Variants in GRPR observed in about 807,000 individuals in gnomAD.
The protein encoded by GRPR is gastrin-releasing peptide receptor.
Under a neutral mutation model 15.6 loss-of-function variants are expected in GRPR, and 4 were observed. The observed-to-expected ratio is 0.26, with a 90% CI of 0.13 to 0.59. The LOEUF is 0.59. Ranked by LOEUF, GRPR falls within the 20% of genes least tolerant of loss-of-function variation. The probability of loss-of-function intolerance (pLI) is 0.90; values close to 1 mark genes in which losing one functional copy is unlikely to be tolerated. For synonymous variants in GRPR, 128 were observed against 126.8 expected (o/e 1.01, Z -0.06); for missense variants, 270 against 304.1 (o/e 0.89, Z 0.83).
At chrX:16,150,195 A>G (rs1206864461) in intron 1 of GRPR, 110 bp from the exon 2 acceptor site, 6 of 570,697 alleles carry the variant, frequency 1.1e-5, no homozygotes, top group South Asian at 7.4e-5. Context: ...GAAAGTGAGC[A>G]CCTCCTTAAA....
At chrX:16,149,448 C>T (rs1362670960) in intron 1 of GRPR, among the ~76,000 whole-genome samples, 3 of 110,795 alleles carry the variant, frequency 2.7e-5, no homozygotes, top group Non-Finnish European at 5.7e-5. Flanking sequence ...AACCTAAATA[C>T]TTCAAGAGAA....
intron 1 of GRPR, among the ~76,000 whole-genome samples, chrX:16,127,622 G>A (rs1262466101): frequency 1.8e-5 from 2 of 111,427 alleles, no homozygotes; most frequent in Non-Finnish European, 1.9e-5. Flanking sequence ...TGTGGCATTT[G>A]GGCTTGGAAT....
At chrX:16,144,233 G>A (rs1922571761) in intron 1 of GRPR, among the ~76,000 whole-genome samples, 1 of 112,114 alleles carries the variant, frequency 8.9e-6, no homozygotes, top group Non-Finnish European at 1.9e-5. Context: ...CATCATATAA[G>A]CCAGCTAATA....
chrX:16,124,030 C>A lies in GRPR; in HGVS notation c.77C>A (p.Ala26Glu). 8.3e-7 allele frequency: 1 copy of A among 1,199,581 alleles called. No homozygotes were observed. Among genetic ancestry groups the A allele is most frequent in the Non-Finnish European group, 1.1e-6 (1 of 884,671 alleles). The change falls in exon 1 of 3, where the codon GCG (alanine) becomes GAG (glutamate). Residue 26 changes from alanine to glutamate, a missense_variant. By Grantham distance (107) the Ala-to-Glu change is moderately radical (BLOSUM62 -1). Coordinates refer to ENST00000380289, the MANE Select transcript of GRPR (RefSeq NM_005314.3). Reference protein sequence around the residue: ...FMHCNISSHSADLPVNDDWSH... With the variant: ...FMHCNISSHSEDLPVNDDWSH... ...CACTGCAACATCTCCAGTCACAGTG[C>A]GGATCTCCCCGTGAACGATGACTGG...
At position 16,123,687 on chromosome X, in the gene GRPR, C is replaced by G. The variant is rs1229452371; in HGVS notation, c.-267C>G. On this transcript the variant is annotated 5_prime_UTR_variant, in exon 1 of 3. Coordinates refer to ENST00000380289, the MANE Select transcript of GRPR (RefSeq NM_005314.3). ...GATGCAGAGTGGGTTTAATTCTAAG[C>G]CTTTTTGTGGCTAAGTTTTGTTGTT... 1 of 359,982 alleles carries G rather than the reference C, an allele frequency of 2.8e-6. No homozygotes were observed. The highest frequency in any genetic ancestry group is 4.8e-6 in the Non-Finnish European group (1 of 206,514). 29.7% of individuals were successfully genotyped at this position (359,982 alleles called of 1,213,427 possible). A position where few individuals can be genotyped will look rare whatever the true frequency, so the allele number is the denominator to read the frequency against.
rs1213568794 is a variant in GRPR, at chrX:16,150,163, A to C, written c.414-142A>C. ...ACTCACTCTCAGGGTCACAGAGCTC[A>C]GAGTCGGCACCCTCAGGACCCGAAA... On this transcript the variant is annotated intron_variant, in intron 1 of 2. Transcript: ENST00000380289. 5.1e-5 allele frequency: 25 copies of C among 489,045 alleles called. No homozygotes were observed. In the East Asian group the frequency reaches 9.0e-4, roughly 18 times the overall value. 40.3% of individuals were successfully genotyped at this position (489,045 alleles called of 1,213,427 possible).
chrX:16,125,726 A>G (rs967575727), intron 1 of GRPR, among the ~76,000 whole-genome samples: 1 of 112,094 alleles, frequency 8.9e-6, no homozygotes, highest in African/African-American at 3.2e-5. Context: ...GCACAGAAGT[A>G]AGGTTTGCAC....
intron 1 of GRPR, among the ~76,000 whole-genome samples, chrX:16,128,783 GTGGATAGATGGATGAATGGT>G (rs1922335452): frequency 2.7e-5 from 3 of 109,891 alleles, no homozygotes; most frequent in Admixed American, 9.7e-5. Context: ...GGACAGATGG[GTGGATAGATGGATGAATGGT>G]TGGATAGATG....
intron 1 of GRPR, among the ~76,000 whole-genome samples, chrX:16,146,025 C>T (rs930399582): frequency 9.0e-6 from 1 of 111,395 alleles, no homozygotes; most frequent in African/African-American, 3.3e-5. Flanking sequence ...AATCAAGAAT[C>T]TGGAATTGGG....
intron 1 of GRPR, among the ~76,000 whole-genome samples, chrX:16,145,091 G>A (rs1922584825): frequency 9.0e-6 from 1 of 111,445 alleles, no homozygotes; most frequent in African/African-American, 3.3e-5. Flanking sequence ...AGAACAGTTT[G>A]GAGGTTCCTC....
At chrX:16,148,723 T>C (rs148752460) in intron 1 of GRPR, among the ~76,000 whole-genome samples, 13 of 111,295 alleles carry the variant, frequency 1.2e-4, no homozygotes, top group South Asian at 1.2e-3. Flanking sequence ...GATTCCAACA[T>C]AGAAAAAGAC....
chrX:16,132,805 G>C lies in GRPR; in HGVS notation c.413+8439G>C, dbSNP rs1215468749. ...ACTGTAAAAACCCAAAGCATTTCAA[G>C]TTTTCTTCTGCGTTGAGTAATCTTA... is the stretch of plus-strand genomic sequence containing the variant. On this transcript the variant is annotated intron_variant, in intron 1 of 2. Coordinates refer to ENST00000380289, the MANE Select transcript of GRPR (RefSeq NM_005314.3). 2.7e-5 allele frequency among the ~76,000 whole-genome samples: 3 copies of C among 111,733 alleles called. No homozygotes were observed. In the East Asian group the frequency reaches 8.4e-4, roughly 31 times the overall value.
At chrX:16,129,191 G>A (rs1922341193) in intron 1 of GRPR, among the ~76,000 whole-genome samples, 1 of 112,104 alleles carries the variant, frequency 8.9e-6, no homozygotes, top group Admixed American at 9.4e-5. Flanking sequence ...AAACAGGAAG[G>A]TGTTATATTT....
chrX:16,152,554 C>A lies in GRPR; in HGVS notation c.1064C>A (p.Thr355Lys). 8.3e-7 allele frequency: 1 copy of A among 1,206,498 alleles called. No individual in the cohort carries two copies. Among genetic ancestry groups the A allele is most frequent in the Admixed American group, 2.2e-5 (1 of 46,089 alleles). Residue 355 changes from threonine to lysine, a missense_variant, in exon 3 of 3, where the codon ACA becomes AAA. Around this residue, in one of 3 missense-constraint regions of GRPR, gnomAD observed 133 missense variants for 123.4 expected, o/e 1.08. Transcript: ENST00000380289. ...CGGTCTCACAGCACTGGAAGGAGTACAACCTGCATGACCTCCCTCAAGAGT... is the reference window on the plus strand; with the variant it reads ...CGGTCTCACAGCACTGGAAGGAGTAAAACCTGCATGACCTCCCTCAAGAGT... ...IIRSHSTGRS[T>K]TCMTSLKSTN...
Position 16,124,095 on chromosome X carries a change from G to A in GRPR, c.142G>A (p.Gly48Arg). The change falls in exon 1 of 3, where the codon GGG (glycine) becomes AGG (arginine). Residue 48 changes from glycine (G) to arginine (R), a missense_variant. Physicochemically the swap from Gly to Arg is moderately radical, Grantham distance 125 (BLOSUM62 -2). Coordinates refer to ENST00000380289, the MANE Select transcript of GRPR (RefSeq NM_005314.3). ...CCTCTATGTCATCCCTGCAGTTTATGGGGTTATCATTCTGATAGGCCTCAT... is the reference window on the plus strand; with the variant it reads ...CCTCTATGTCATCCCTGCAGTTTATAGGGTTATCATTCTGATAGGCCTCAT... ...GILYVIPAVY[G>R]VIILIGLIGN... 1.7e-6 allele frequency: 2 copies of A among 1,209,866 alleles called. No homozygotes were observed. The highest frequency in any genetic ancestry group is 2.2e-6 in the Non-Finnish European group (2 of 893,788).
At chrX:16,130,726 T>C (rs1922364355) in intron 1 of GRPR, among the ~76,000 whole-genome samples, 3 of 112,845 alleles carry the variant, frequency 2.7e-5, no homozygotes, top group Admixed American at 1.9e-4. Context: ...TATCATTCCT[T>C]GTAAAGCATC....
At chrX:16,132,683 C>A (rs1922395287) in intron 1 of GRPR, among the ~76,000 whole-genome samples, 1 of 110,765 alleles carries the variant, frequency 9.0e-6, no homozygotes, top group Non-Finnish European at 1.9e-5. Flanking sequence ...GAAAAACTTT[C>A]TTTCAACTTC....
At chrX:16,143,470 C>T (rs1001290576) in intron 1 of GRPR, among the ~76,000 whole-genome samples, 1 of 112,727 alleles carries the variant, frequency 8.9e-6, no homozygotes, top group Non-Finnish European at 1.9e-5. Flanking sequence ...CTGGAGTAAA[C>T]AACCTGAAGA....
chrX:16,150,622 T>C lies in GRPR; in HGVS notation c.731T>C (p.Leu244Pro). ...AATCTGATCCAGAGTGCTTACAATCTTCCCGTGGAAGGGAATATACATGTC... is the reference window on the plus strand; with the variant it reads ...AATCTGATCCAGAGTGCTTACAATCCTCCCGTGGAAGGGAATATACATGTC... ...AKNLIQSAYN[L>P]PVEGNIHVKK... Residue 244 changes from leucine (L) to proline (P), a missense_variant, in exon 2 of 3, where the codon CTT becomes CCT. Physicochemically the swap from Leu to Pro is moderately conservative, Grantham distance 98. Coordinates refer to ENST00000380289, the MANE Select transcript of GRPR (RefSeq NM_005314.3). The C allele has an allele frequency of 8.5e-7, 1 of 1,181,777 alleles. No individual in the cohort carries two copies. Among genetic ancestry groups the C allele is most frequent in the Non-Finnish European group, 1.2e-6 (1 of 867,938 alleles).
Sources: allele counts gnomAD v4.1 joint callset (sites outside exome capture counted in the v4.1 genomes callset), GRCh38; gene constraint gnomAD v4.1.1; regional missense constraint gnomAD v4.1.1; transcripts MANE v1.5; gene names NCBI Gene and HGNC (gene_info 2026-07-23, HGNC 2026-07-21).